The following FBLN7 variants were observed in gnomAD, a reference collection of about 807,000 sequenced individuals.
FBLN7 encodes fibulin-7.
A neutral mutation model predicts 44.0 loss-of-function variants in FBLN7; 31 were observed. The observed-to-expected ratio is 0.70, with a 90% confidence interval of 0.53 to 0.95. The LOEUF is 0.95. FBLN7 is among the 40% of genes least tolerant of loss of function. FBLN7 has a pLI of 0.00. For missense variants in FBLN7, 573 were observed against 618.5 expected (o/e 0.93, Z 0.78); for synonymous variants, 262 against 253.4 (o/e 1.03, Z -0.32).
intron 4 of FBLN7, among the ~76,000 whole-genome samples, chr2:112,178,831 G>C (rs976902273): frequency 6.6e-6 from 1 of 152,130 alleles, no homozygotes; most frequent in African/African-American, 2.4e-5. Flanking sequence ...CAACAAACTA[G>C]GTATTGAAGG....
At chr2:112,208,538 G>C in the FBLN7 span, among the ~76,000 whole-genome samples, 1 of 152,100 alleles carries the variant, frequency 6.6e-6, no homozygotes, top group African/African-American at 2.4e-5. Context: ...TTTTATTGTT[G>C]GTATTCTGTT....
At chr2:112,209,004 TA>T in the FBLN7 span, among the ~76,000 whole-genome samples, 1 of 152,204 alleles carries the variant, frequency 6.6e-6, no homozygotes, top group Middle Eastern at 3.2e-3. Context: ...TTGGTTCCCT[TA>T]AAAATGCATA....
intron 2 of FBLN7, among the ~76,000 whole-genome samples, 195 bp downstream of exon 2, chr2:112,160,030 G>T (rs182899843): frequency 7.3e-5 from 11 of 151,236 alleles, no homozygotes; most frequent in African/African-American, 2.4e-4. Context: ...TCGCTCTGTC[G>T]CCCAGGCTGG....
chr2:112,140,278 C>T (rs1465487337), intron 1 of FBLN7, among the ~76,000 whole-genome samples: 1 of 150,922 alleles, frequency 6.6e-6, no homozygotes, highest in African/African-American at 2.4e-5. Context: ...CTCTCCAGGT[C>T]AGTGTCCCTC....
chr2:112,239,579 C>CTTTTTTTTTTTT, the FBLN7 span, among the ~76,000 whole-genome samples: 1 of 86,488 alleles, frequency 1.2e-5, no homozygotes. Flanking sequence ...TAACAGTTTA[C>CTTTTTTTTTTTT]TTTTTTTTTT....
At chr2:112,201,549 G>C in the FBLN7 span, among the ~76,000 whole-genome samples, 13 of 152,176 alleles carry the variant, frequency 8.5e-5, no homozygotes, top group Non-Finnish European at 1.9e-4. Flanking sequence ...TCAGATGTAG[G>C]TGTAGGACAC....
chr2:112,154,758 C>T (rs529581381), intron 1 of FBLN7, among the ~76,000 whole-genome samples: 4 of 152,158 alleles, frequency 2.6e-5, no homozygotes, highest in Non-Finnish European at 5.9e-5. Flanking sequence ...ATGCATGGCT[C>T]AGAGCAGGGG....
At chr2:112,159,108 A>G (rs1681583976) in intron 1 of FBLN7, among the ~76,000 whole-genome samples, 1 of 150,962 alleles carries the variant, frequency 6.6e-6, no homozygotes, top group South Asian at 2.1e-4. Context: ...ATGATCCTCC[A>G]TTTTCTGCCT....
chr2:112,159,347 C>A (rs1489587037), intron 1 of FBLN7, among the ~76,000 whole-genome samples: 1 of 152,140 alleles, frequency 6.6e-6, no homozygotes, highest in African/African-American at 2.4e-5. Context: ...CCAGGGTTTT[C>A]AGAGCATTAA....
At chr2:112,157,623 A>C (rs1681499032) in intron 1 of FBLN7, among the ~76,000 whole-genome samples, 4 of 152,026 alleles carry the variant, frequency 2.6e-5, no homozygotes, top group Admixed American at 1.3e-4. Context: ...CTTTTTCTTA[A>C]TTAGGTAATT....
chr2:112,231,948 G>A, the FBLN7 span: 1 of 1,489,292 alleles, frequency 6.7e-7, no homozygotes, highest in Non-Finnish European at 9.2e-7. Flanking sequence ...GGATATTCAT[G>A]TAACCCAAGT....
At chr2:112,196,803 G>A in the FBLN7 span, among the ~76,000 whole-genome samples, 2 of 152,012 alleles carry the variant, frequency 1.3e-5, no homozygotes, top group South Asian at 4.2e-4. Context: ...CCCAAGATTG[G>A]GTAATTTATA....
chr2:112,182,291 C>G (rs1683041727), intron 5 of FBLN7, among the ~76,000 whole-genome samples: 1 of 152,120 alleles, frequency 6.6e-6, no homozygotes, highest in Admixed American at 6.5e-5. Flanking sequence ...CCTGACGGCT[C>G]AGTTTTGCTG....
In FBLN7 at chr2:112,187,857, G is replaced by T. The variant is rs1683349073; in HGVS notation, c.*351G>T. ...CTGGGGAGAGAAAAGGTGGCAATGT[G>T]TGTCAGGTGACTATCAGCCCTTCTG... is the stretch of plus-strand genomic sequence containing the variant. On this transcript the variant is annotated 3_prime_UTR_variant, in exon 8 of 8. Coordinates refer to ENST00000331203, the MANE Select transcript of FBLN7 (RefSeq NM_153214.3). This position sits in a 1 kb window ranked among gnomAD's most constrained non-coding sequence, Gnocchi z 5.1. The T allele has an allele frequency of 9.5e-6, 4 of 423,174 alleles. No individual in the cohort carries two copies. The highest frequency in any genetic ancestry group is 5.1e-5 in the South Asian group (1 of 19,662). 26.2% of individuals were successfully genotyped at this position (423,174 alleles called of 1,614,324 possible).
the FBLN7 span, among the ~76,000 whole-genome samples, chr2:112,229,338 T>C: frequency 6.6e-6 from 1 of 152,226 alleles, no homozygotes; most frequent in Non-Finnish European, 1.5e-5. Flanking sequence ...TTTTCTTTTC[T>C]CCCTAGAGTT....
At chr2:112,197,274 C>CACACACACACACACAG in the FBLN7 span, among the ~76,000 whole-genome samples, 338 of 98,600 alleles carry the variant, frequency 3.4e-3, 1 homozygote, top group East Asian at 5.5e-3. Context: ...CACACACACA[C>CACACACACACACACAG]AGAGAGAGAG....
chr2:112,202,367 G>A, the FBLN7 span, among the ~76,000 whole-genome samples: 33 of 151,616 alleles, frequency 2.2e-4, no homozygotes, highest in Admixed American at 1.2e-3. Flanking sequence ...TCATAAATAC[G>A]TATATAGTTC....
intron 1 of FBLN7, among the ~76,000 whole-genome samples, chr2:112,149,805 T>C (rs1010158094): frequency 1.3e-5 from 2 of 152,210 alleles, no homozygotes; most frequent in African/African-American, 4.8e-5. Context: ...TGCACAAGTC[T>C]CAAGTACAAT....
At chr2:112,169,387 T>A (rs999629038) in intron 3 of FBLN7, among the ~76,000 whole-genome samples, 7 of 152,184 alleles carry the variant, frequency 4.6e-5, no homozygotes, top group African/African-American at 1.7e-4. Flanking sequence ...CATTTCTCCT[T>A]TATTTTCCTT....
Sources: gnomAD v4.1 joint callset for allele counts (sites outside exome capture counted in the v4.1 genomes callset) on GRCh38, gnomAD v4.1.1 for gene constraint, Gnocchi (gnomAD v3.1) non-coding constraint, MANE v1.5 for transcripts, NCBI Gene and HGNC (gene_info 2026-07-23, HGNC 2026-07-21) for gene names.